CADM2: variants seen among roughly 807,000 people sequenced by gnomAD.
CADM2 encodes the protein immunoglobulin superfamily member 4D.
Under a neutral mutation model 49.8 loss-of-function variants are expected in CADM2, and 12 were observed. The ratio of observed to expected loss-of-function variants is 0.24; its 90% CI spans 0.15 to 0.39. CADM2 has a LOEUF of 0.39. CADM2 is among the 10% of genes least tolerant of loss of function. CADM2 has a pLI of 1.00. For synonymous variants in CADM2, 214 were observed against 175.4 expected, an observed-to-expected ratio of 1.22 and a Z score of -1.74; for missense variants, 378 against 492.3, an observed-to-expected ratio of 0.77 and a Z score of 2.20.
At chr3:85,249,970 T>C (rs2042738381) in intron 1 of CADM2, among the ~76,000 whole-genome samples, 1 of 151,932 alleles carries the variant, frequency 6.6e-6, no homozygotes, top group South Asian at 2.1e-4. Flanking sequence ...ATATTGACAA[T>C]AACATAAAAG....
intron 3 of CADM2, among the ~76,000 whole-genome samples, chr3:85,867,078 AT>A (rs1170573280): frequency 3.3e-5 from 5 of 152,124 alleles, no homozygotes; most frequent in Non-Finnish European, 7.4e-5. Context: ...CCTTATTATT[AT>A]TTTTAGGCAA....
At chr3:85,041,409 A>G (rs2035436037) in intron 1 of CADM2, among the ~76,000 whole-genome samples, 1 of 152,206 alleles carries the variant, frequency 6.6e-6, no homozygotes, top group Non-Finnish European at 1.5e-5. Flanking sequence ...GGCAAAGGAC[A>G]GAGAGACGGA....
intron 1 of CADM2, among the ~76,000 whole-genome samples, chr3:85,158,325 G>T (rs1331450784): frequency 6.6e-6 from 1 of 152,198 alleles, no homozygotes; most frequent in Non-Finnish European, 1.5e-5. Flanking sequence ...ATTTGACCCA[G>T]CCATCCCATT....
chr3:85,387,291 A>G (rs1417881448), intron 1 of CADM2, among the ~76,000 whole-genome samples: 2 of 152,206 alleles, frequency 1.3e-5, no homozygotes, highest in Non-Finnish European at 2.9e-5. Context: ...TTTTTTAAAT[A>G]GATAATTTAG....
intron 1 of CADM2, among the ~76,000 whole-genome samples, chr3:85,343,141 T>G (rs921465152): frequency 6.6e-6 from 1 of 152,170 alleles, no homozygotes; most frequent in Non-Finnish European, 1.5e-5. Context: ...GGGGCAGGGA[T>G]GCTGTTACAC....
intron 8 of CADM2, among the ~76,000 whole-genome samples, chr3:86,008,890 C>T (rs886175980): frequency 6.6e-6 from 1 of 151,650 alleles, no homozygotes. Context: ...TAACAAGTAT[C>T]TTCTCAATGC....
intron 1 of CADM2, among the ~76,000 whole-genome samples, chr3:85,054,686 G>C (rs76653262): frequency 1.4e-3 from 213 of 152,008 alleles, no homozygotes; most frequent in Admixed American, 3.9e-3. Flanking sequence ...GAATGCTTTT[G>C]GTTAGAATCC....
intron 1 of CADM2, among the ~76,000 whole-genome samples, chr3:85,157,152 AAGG>A (rs1397568233): frequency 3.3e-5 from 5 of 152,214 alleles, no homozygotes; most frequent in African/African-American, 1.2e-4. Context: ...GGACCTCTTC[AAGG>A]AGAACTACAA....
intron 1 of CADM2, among the ~76,000 whole-genome samples, chr3:85,280,509 A>G (rs961534009): frequency 1.3e-5 from 2 of 151,728 alleles, no homozygotes; most frequent in African/African-American, 2.4e-5. Flanking sequence ...CAATTTGACT[A>G]TAATGTGCCT....
chr3:85,901,652 A>G (rs1716135930), intron 5 of CADM2, among the ~76,000 whole-genome samples: 1 of 152,182 alleles, frequency 6.6e-6, no homozygotes. Flanking sequence ...TAGAAACATT[A>G]TTTAGATATA....
At chr3:84,998,512 T>C (rs1285945732) in intron 1 of CADM2, among the ~76,000 whole-genome samples, 1 of 152,192 alleles carries the variant, frequency 6.6e-6, no homozygotes, top group African/African-American at 2.4e-5. Flanking sequence ...TCAGAAACTA[T>C]GCAATTACTG....
chr3:85,342,959 T>G (rs1363839453), intron 1 of CADM2, among the ~76,000 whole-genome samples: 2 of 152,214 alleles, frequency 1.3e-5, no homozygotes, highest in Non-Finnish European at 2.9e-5. Flanking sequence ...GGTCTTAAAT[T>G]AGTATTAATG....
At chr3:85,909,842 A>G in intron 5 of CADM2, among the ~76,000 whole-genome samples, 1 of 152,194 alleles carries the variant, frequency 6.6e-6, no homozygotes, top group East Asian at 1.9e-4. Context: ...AAAAATACAG[A>G]AAGGGAAAGC....
chr3:85,647,187 T>C (rs1053554995), intron 1 of CADM2, among the ~76,000 whole-genome samples: 3 of 151,824 alleles, frequency 2.0e-5, no homozygotes, highest in Non-Finnish European at 4.4e-5. Context: ...AGATAATTAA[T>C]TTGTCATGTA....
intron 1 of CADM2, among the ~76,000 whole-genome samples, chr3:84,971,622 T>G (rs1227489079): frequency 6.6e-6 from 1 of 152,098 alleles, no homozygotes; most frequent in African/African-American, 2.4e-5. Context: ...TTATCTCGCT[T>G]TACCCAATTT....
At position 84,968,013 on chromosome 3, in the gene CADM2, C is replaced by G. The variant is rs562414032; in HGVS notation, c.61+8345C>G. Among the ~76,000 whole-genome samples the G allele has an allele frequency of 3.3e-5, 5 of 152,134 alleles. No individual in the cohort carries two copies. In the South Asian group the frequency reaches 8.3e-4, roughly 25 times the overall value. On this transcript the variant is annotated intron_variant, in intron 1 of 9. Coordinates refer to ENST00000383699, the MANE Select transcript of CADM2 (RefSeq NM_001167675.2). ...TATTTCCCTCTGTTGTTACATAATC[C>G]CTTTCTAATACGAAATCAGTTCTCA...
chr3:85,611,182 A>G (rs947578610), intron 1 of CADM2, among the ~76,000 whole-genome samples: 1 of 152,018 alleles, frequency 6.6e-6, no homozygotes, highest in African/African-American at 2.4e-5. Flanking sequence ...TGTTTTGAAT[A>G]AAGTGAAAAT....
intron 6 of CADM2, among the ~76,000 whole-genome samples, chr3:85,926,404 T>A (rs573289928): frequency 6.6e-6 from 1 of 152,148 alleles, no homozygotes; most frequent in Admixed American, 6.5e-5. Context: ...ACTTAGGGGA[T>A]GAAATTGTAC....
Position 85,539,816 on chromosome 3 carries a change from G to A in CADM2, c.62-186706G>A, listed in dbSNP as rs1388426725. Among the ~76,000 whole-genome samples the A allele has an allele frequency of 4.6e-5, 7 of 152,064 alleles. No individual in the cohort carries two copies. The East Asian group carries it at 1.2e-3, about 25-fold the overall frequency. ...TAGGGGAAATGGACAAGGTGAAGCT[G>A]AATAAATGGACAGTGGTGTCGTTGG... On this transcript the variant is annotated intron_variant, in intron 1 of 9. Transcript: ENST00000383699.
Sources: gnomAD v4.1 joint callset for allele counts (sites outside exome capture counted in the v4.1 genomes callset) on GRCh38, gnomAD v4.1.1 for gene constraint, MANE v1.5 for transcripts, NCBI Gene and HGNC (gene_info 2026-07-23, HGNC 2026-07-21) for gene names.